Variants in DTWD2 observed in about 807,000 individuals in gnomAD.
DTWD2 encodes tRNA-uridine aminocarboxypropyltransferase 2.
In DTWD2, 39 loss-of-function variants were observed where a neutral mutation model predicts 31.8. The ratio of observed to expected loss-of-function variants is 1.22; its 90% CI spans 0.95 to 1.60. The LOEUF (loss-of-function observed/expected upper bound fraction) is 1.60, where lower values mean the gene tolerates loss of function less well. DTWD2 is among the 40% of genes most tolerant of loss of function. DTWD2 has a pLI of 0.00. For synonymous variants in DTWD2, 180 were observed against 142.8 expected, an observed-to-expected ratio of 1.26 and a Z score of -1.86; for missense variants, 515 against 381.5, an observed-to-expected ratio of 1.35 and a Z score of -2.92.
At chr5:118,885,778 AT>A (rs1308633007) in intron 4 of DTWD2, among the ~76,000 whole-genome samples, 1 of 151,032 alleles carries the variant, frequency 6.6e-6, no homozygotes, top group African/African-American at 2.4e-5. Flanking sequence ...AAAAAAAAAA[AT>A]AAAAATAATA....
intron 1 of DTWD2, among the ~76,000 whole-genome samples, chr5:118,955,788 C>G (rs1236467510): frequency 6.6e-6 from 1 of 151,222 alleles, no homozygotes; most frequent in Admixed American, 6.6e-5. Flanking sequence ...ACAGCAAGAC[C>G]CCTATCTCTT....
chr5:118,936,714 A>T (rs796643254), intron 3 of DTWD2, among the ~76,000 whole-genome samples: 4 of 152,174 alleles, frequency 2.6e-5, no homozygotes, highest in African/African-American at 9.6e-5. Flanking sequence ...ATCTTCTACT[A>T]AAAAAAGAAA....
At chr5:118,902,890 C>T (rs899418517) in intron 4 of DTWD2, among the ~76,000 whole-genome samples, 1 of 151,958 alleles carries the variant, frequency 6.6e-6, no homozygotes, top group African/African-American at 2.4e-5. Context: ...TATTAATATC[C>T]TTTTATACCA....
chr5:118,928,054 C>T (rs934070685), intron 4 of DTWD2, among the ~76,000 whole-genome samples: 1 of 152,042 alleles, frequency 6.6e-6, no homozygotes, highest in African/African-American at 2.4e-5. Flanking sequence ...AAGGTGTCTT[C>T]ATAATTAATT....
chr5:118,905,526 C>T (rs1337708752), intron 4 of DTWD2, among the ~76,000 whole-genome samples: 2 of 152,104 alleles, frequency 1.3e-5, no homozygotes. Flanking sequence ...TAAGATAAAA[C>T]AGTTCTTACA....
At chr5:118,868,134 A>G (rs1302508121) in intron 4 of DTWD2, among the ~76,000 whole-genome samples, 1 of 152,176 alleles carries the variant, frequency 6.6e-6, no homozygotes, top group Non-Finnish European at 1.5e-5. Flanking sequence ...ATGATTTTCA[A>G]TACAGGTTAC....
intron 1 of DTWD2, among the ~76,000 whole-genome samples, chr5:118,968,953 G>C (rs1369148647): frequency 6.6e-6 from 1 of 152,228 alleles, no homozygotes; most frequent in African/African-American, 2.4e-5. Flanking sequence ...GCTTGGGAGT[G>C]GGGGCAGCTG....
chr5:118,902,541 C>T (rs1753235124), intron 4 of DTWD2, among the ~76,000 whole-genome samples: 1 of 152,034 alleles, frequency 6.6e-6, no homozygotes, highest in South Asian at 2.1e-4. Flanking sequence ...TATTCTTCAA[C>T]ATAATTATCT....
At chr5:118,855,905 T>A (rs1392119012) in intron 4 of DTWD2, among the ~76,000 whole-genome samples, 1 of 152,190 alleles carries the variant, frequency 6.6e-6, no homozygotes, top group East Asian at 1.9e-4. Flanking sequence ...TTTCAAAATA[T>A]GATTACAAAA....
chr5:118,850,477 C>CAAAAAAAAAAAAAAAAAAAA (rs34808087), intron 4 of DTWD2, among the ~76,000 whole-genome samples: 2 of 30,466 alleles, frequency 6.6e-5, no homozygotes, highest in African/African-American at 2.0e-4. Context: ...GACCCCACCA[C>CAAAAAAAAAAAAAAAAAAAA]AAAAAAAAAA....
At chr5:118,955,789 C>A (rs1051046809) in intron 1 of DTWD2, among the ~76,000 whole-genome samples, 2 of 151,182 alleles carry the variant, frequency 1.3e-5, no homozygotes, top group East Asian at 3.9e-4. Flanking sequence ...CAGCAAGACC[C>A]CTATCTCTTA....
At chr5:118,988,272 C>A (rs1211276653) in intron 1 of DTWD2, 22 bp downstream of exon 1, 1 of 1,527,738 alleles carries the variant, frequency 6.5e-7, no homozygotes, top group South Asian at 1.2e-5. Context: ...GCTGCAGTCC[C>A]CGCCCCCAGC....
At position 118,928,939 on chromosome 5, in the gene DTWD2, T is replaced by A. The variant is rs79156485; in HGVS notation, c.405-210A>T. On this transcript the variant is annotated intron_variant, in intron 3 of 5. Coordinates refer to ENST00000510708, the MANE Select transcript of DTWD2 (RefSeq NM_173666.4). ...TCACCACAATTCTGCCACTCTCCTCTAGGCTTTCCAATCCTCACTATTCTT... is the reference window on the plus strand; with the variant it reads ...TCACCACAATTCTGCCACTCTCCTCAAGGCTTTCCAATCCTCACTATTCTT... Among the ~76,000 whole-genome samples, 684 of 152,354 alleles carry A rather than the reference T, an allele frequency of 4.5e-3. 10 individuals are homozygous for A. Among genetic ancestry groups the A allele is most frequent in the African/African-American group, 0.015 (644 of 41,576 alleles).
At chr5:118,843,832 C>T (rs1319016476) in intron 5 of DTWD2, among the ~76,000 whole-genome samples, 1 of 152,214 alleles carries the variant, frequency 6.6e-6, no homozygotes, top group African/African-American at 2.4e-5. Context: ...CACAAATAGG[C>T]CAGCCTCCTT....
At chr5:118,963,955 A>C (rs2149594496) in intron 1 of DTWD2, among the ~76,000 whole-genome samples, 1 of 152,270 alleles carries the variant, frequency 6.6e-6, no homozygotes, top group Middle Eastern at 3.4e-3. Context: ...CACACCTGTA[A>C]TCCCAGTACT....
chr5:118,866,591 T>C (rs565713930), intron 4 of DTWD2, among the ~76,000 whole-genome samples: 1 of 152,186 alleles, frequency 6.6e-6, no homozygotes, highest in African/African-American at 2.4e-5. Flanking sequence ...GGAAGAATTT[T>C]ATGTTTTAAA....
chr5:118,928,629 CAGGAGA>C lies in DTWD2; in HGVS notation c.499_504del (p.Ser167_Pro168del), dbSNP rs781780006. ...ATGATGATGATTGTAGAAGGATAAA[CAGGAGA>C]ATCTAATATAAATTCTTCCAAATTA... On this transcript the variant is annotated inframe_deletion, in exon 4 of 6. Transcript: ENST00000510708. The C allele has an allele frequency of 1.2e-6, 2 of 1,603,250 alleles. No individual in the cohort carries two copies. The highest frequency in any genetic ancestry group is 1.7e-6 in the Non-Finnish European group (2 of 1,174,308).
At chr5:118,928,941 G>A (rs1344851947) in intron 3 of DTWD2, among the ~76,000 whole-genome samples, 1 of 152,118 alleles carries the variant, frequency 6.6e-6, no homozygotes, top group Non-Finnish European at 1.5e-5. Context: ...CTCTCCTCTA[G>A]GCTTTCCAAT....
chr5:118,926,400 A>T (rs746674551), intron 4 of DTWD2, among the ~76,000 whole-genome samples: 1 of 152,096 alleles, frequency 6.6e-6, no homozygotes, highest in Non-Finnish European at 1.5e-5. Flanking sequence ...GGGTGGAAGG[A>T]GGGAGGTGAG....
Sources: allele counts gnomAD v4.1 joint callset (sites outside exome capture counted in the v4.1 genomes callset), GRCh38; gene constraint gnomAD v4.1.1; transcripts MANE v1.5; gene names NCBI Gene and HGNC (gene_info 2026-07-23, HGNC 2026-07-21).